The following ABCG1 variants were observed in gnomAD, a reference collection of about 807,000 sequenced individuals.
ABCG1 encodes ATP-binding cassette sub-family G member 1.
Under a neutral mutation model 69.2 loss-of-function variants are expected in ABCG1, and 29 were observed. The observed-to-expected ratio is 0.42, with a 90% CI of 0.31 to 0.57. The LOEUF is 0.57. Ranked by LOEUF, ABCG1 falls within the 20% of genes least tolerant of loss-of-function variation. The pLI is 0.15. For missense variants in ABCG1, 718 were observed against 898.1 expected, an observed-to-expected ratio of 0.80 and a Z score of 2.56; for synonymous variants, 370 against 374.8, an observed-to-expected ratio of 0.99 and a Z score of 0.15.
chr21:42,284,611 C>T lies in ABCG1; in HGVS notation c.786C>T (p.Leu262=), dbSNP rs750833003. The change falls in exon 7 of 15, where the codon CTC becomes CTT. Residue 262 remains leucine, a synonymous_variant. Transcript: ENST00000398449. ...CFQVVSLMKG[L]AQGGRSIICT... ...AGGTGGTCTCGCTGATGAAAGGGCT[C>T]GCTCAAGGGGGTCGCTCCATCATTT... The T allele has an allele frequency of 2.2e-5, 35 of 1,613,944 alleles. No homozygotes were observed. In the East Asian group the frequency reaches 2.5e-4, roughly 11 times the overall value.
At chr21:42,241,726 C>G (rs998089828) in intron 2 of ABCG1, among the ~76,000 whole-genome samples, 8 of 151,730 alleles carry the variant, frequency 5.3e-5, no homozygotes, top group African/African-American at 1.9e-4. Flanking sequence ...GTAGCTCACA[C>G]CTGTAATTCC....
rs527705683 is a variant in ABCG1, at chr21:42,276,813, G to A, written c.538-82G>A. 8.8e-5 allele frequency: 125 copies of A among 1,418,514 alleles called. 1 individual carries two copies. The highest frequency in any genetic ancestry group is 2.2e-4 in the Middle Eastern group (1 of 4,628). The allele number at this position is 1,418,514 out of a possible 1,614,324, so 87.9% of individuals were successfully genotyped here. A position where few individuals can be genotyped will look rare whatever the true frequency, so the allele number is the denominator to read the frequency against. On this transcript the variant is annotated intron_variant, in intron 4 of 14. Transcript: ENST00000398449. This position sits in a 1 kb window ranked among gnomAD's most constrained non-coding sequence, Gnocchi z 5.3. ...TAGCTGCATCTTGGCTAGCTGCACC[G>A]TGGCCTGCAGTGCGGGCATGAGGCT... is the stretch of plus-strand genomic sequence containing the variant.
intron 5 of ABCG1, among the ~76,000 whole-genome samples, chr21:42,280,123 C>T (rs549407171): frequency 6.6e-6 from 1 of 152,376 alleles, no homozygotes. Flanking sequence ...ACATGCTCCT[C>T]ACCAGCAGAC....
intron 3 of ABCG1, among the ~76,000 whole-genome samples, chr21:42,271,531 G>A (rs894771979): frequency 2.0e-5 from 3 of 152,184 alleles, no homozygotes; most frequent in African/African-American, 7.2e-5. Flanking sequence ...AGAGAGACAA[G>A]GCATTTTCAG....
chr21:42,288,349 C>A lies in ABCG1; in HGVS notation c.1224+37C>A. Reference sequence around the variant, plus strand: ...CGCATCTTCTCCTGTAGCTGGGGAACCCGTGGGTCATTTTCTCAGACTCGT... The same window carrying A: ...CGCATCTTCTCCTGTAGCTGGGGAAACCGTGGGTCATTTTCTCAGACTCGT... On this transcript the variant is annotated intron_variant, in intron 10 of 14. Coordinates refer to ENST00000398449, the MANE Select transcript of ABCG1 (RefSeq NM_016818.3). This position sits in a 1 kb window ranked among gnomAD's most constrained non-coding sequence, Gnocchi z 4.8. The A allele has an allele frequency of 6.7e-7, 1 of 1,496,750 alleles. No individual in the cohort carries two copies. The highest frequency in any genetic ancestry group is 9.3e-7 in the Non-Finnish European group (1 of 1,075,164). The allele number at this position is 1,496,750 out of a possible 1,614,324, so 92.7% of individuals were successfully genotyped here.
intron 2 of ABCG1, among the ~76,000 whole-genome samples, chr21:42,267,591 CTGA>C (rs2068532342): frequency 4.4e-5 from 6 of 136,766 alleles, no homozygotes; most frequent in African/African-American, 1.7e-4. Context: ...CTTTCTGGGT[CTGA>C]TCTGGGTTCT....
upstream of ABCG1, among the ~76,000 whole-genome samples, chr21:42,215,078 C>T (rs4148093): frequency 2.1e-3 from 318 of 152,342 alleles, 3 homozygotes; most frequent in East Asian, 0.027. Flanking sequence ...AGACCAGCCT[C>T]GGCCCAGGTG....
chr21:42,260,009 G>T, intron 2 of ABCG1: 2 of 1,487,290 alleles, frequency 1.3e-6, no homozygotes, highest in Non-Finnish European at 1.8e-6. Flanking sequence ...CATCCTGCAC[G>T]TGGTCAGTCC....
At chr21:42,271,001 G>A (rs1354111440) in intron 2 of ABCG1, 69 bp from the exon 3 acceptor site, 1 of 1,131,626 alleles carries the variant, frequency 8.8e-7, no homozygotes, top group Non-Finnish European at 1.2e-6. Context: ...ATGTGTACTT[G>A]AACATTTGCA....
At chr21:42,260,211 C>A in intron 2 of ABCG1, 1 of 1,545,912 alleles carries the variant, frequency 6.5e-7, no homozygotes, top group South Asian at 1.2e-5. Flanking sequence ...AGTAGATGCT[C>A]ACTTCAACCC....
rs2069019581 is a variant in ABCG1, at chr21:42,289,846, GTGTA to G, written c.1225-200_1225-197del. Among the ~76,000 whole-genome samples, 3 of 152,166 alleles carry G rather than the reference GTGTA, an allele frequency of 2.0e-5. No individual in the cohort carries two copies. The South Asian group carries it at 6.2e-4, about 32-fold the overall frequency. On this transcript the variant is annotated intron_variant, in intron 10 of 14. Transcript: ENST00000398449. ...TGTGCATATATGTGTGTGAGCAGGC[GTGTA>G]TGTGTGTGTGTGAGTGTGTGTGTGT...
chr21:42,226,656 T>G (rs552593800), intron 2 of ABCG1, among the ~76,000 whole-genome samples: 2 of 152,218 alleles, frequency 1.3e-5, no homozygotes, highest in South Asian at 4.2e-4. Context: ...ATCTGTTTCT[T>G]CTGTGGAATT....
At chr21:42,229,809 G>A (rs1002951495) in intron 2 of ABCG1, among the ~76,000 whole-genome samples, 2 of 152,168 alleles carry the variant, frequency 1.3e-5, no homozygotes, top group East Asian at 1.9e-4. Context: ...GAGCTCGGGC[G>A]CAGAGCTGAT....
At chr21:42,212,928 C>T (rs1054858363), upstream of ABCG1, among the ~76,000 whole-genome samples, 41 of 152,226 alleles carry the variant, frequency 2.7e-4, no homozygotes, top group South Asian at 2.7e-3. Context: ...CTCCTGACCT[C>T]GTGATCCGCC....
In ABCG1 at chr21:42,282,842, G is replaced by A. The variant is rs368617240; in HGVS notation, c.734+423G>A. Among the ~76,000 whole-genome samples the A allele has an allele frequency of 6.6e-5, 10 of 151,800 alleles. No individual in the cohort carries two copies. The Middle Eastern group carries it at 0.014, about 208-fold the overall frequency. The stretch of plus-strand genomic sequence containing the variant: ...TGCCTGCAGGACAGGATCCTGCCTC[G>A]GTTGCTCACCAGCTCTCTATACCCA... On this transcript the variant is annotated intron_variant, in intron 6 of 14. Coordinates refer to ENST00000398449, the MANE Select transcript of ABCG1 (RefSeq NM_016818.3).
chr21:42,225,643 G>A, intron 1 of ABCG1, 28 bp from the exon 2 acceptor site: 2 of 1,609,374 alleles, frequency 1.2e-6, no homozygotes, highest in Non-Finnish European at 1.7e-6. Context: ...CTTATAACAG[G>A]TCTTGTTGCT....
rs182010869 is a variant in ABCG1, at chr21:42,229,670, G to C, written c.286+3756G>C. On this transcript the variant is annotated intron_variant, in intron 2 of 14. Coordinates refer to ENST00000398449, the MANE Select transcript of ABCG1 (RefSeq NM_016818.3). ...AGGAGGCAGAGGTTGCAGTGAGTCGGGATCGTACCATTGTACTCCAGCCCA... is the reference window on the plus strand; with the variant it reads ...AGGAGGCAGAGGTTGCAGTGAGTCGCGATCGTACCATTGTACTCCAGCCCA... Among the ~76,000 whole-genome samples, 21 of 152,112 alleles carry C rather than the reference G, an allele frequency of 1.4e-4. 1 individual carries two copies. The East Asian group carries it at 4.0e-3, about 29-fold the overall frequency.
chr21:42,214,764 C>A (rs543599421), upstream of ABCG1, among the ~76,000 whole-genome samples: 1 of 152,322 alleles, frequency 6.6e-6, no homozygotes, highest in Admixed American at 6.5e-5. Flanking sequence ...TTGTGAAAAG[C>A]AGGCAAGCAG....
chr21:42,296,843 T>C lies in ABCG1; in HGVS notation c.*451T>C, dbSNP rs987774909. On this transcript the variant is annotated 3_prime_UTR_variant, in exon 15 of 15. Transcript: ENST00000398449. The surrounding 1 kb of genome is among the most constrained non-coding windows in gnomAD (Gnocchi z 5.4). ...CCGAGCATGGAGCGATTCCATTTTA[T>C]GACTGTTGTTTTTCACATTTTCATC... 2 of 176,886 alleles carry C rather than the reference T, an allele frequency of 1.1e-5. No homozygotes were observed. Among genetic ancestry groups the C allele is most frequent in the African/African-American group, 4.7e-5 (2 of 42,346 alleles). The allele number at this position is 176,886 out of a possible 1,614,324, so 11.0% of individuals were successfully genotyped here.
Sources: gnomAD v4.1 joint callset for allele counts (sites outside exome capture counted in the v4.1 genomes callset) on GRCh38, gnomAD v4.1.1 for gene constraint, Gnocchi (gnomAD v3.1) non-coding constraint, MANE v1.5 for transcripts, NCBI Gene and HGNC (gene_info 2026-07-23, HGNC 2026-07-21) for gene names.